FAM117B: variants seen among roughly 807,000 people sequenced by gnomAD.
FAM117B encodes the protein protein FAM117B.
A neutral mutation model predicts 52.8 loss-of-function variants in FAM117B; 22 were observed. The observed-to-expected ratio is 0.42, with a 90% CI of 0.30 to 0.59. FAM117B has a LOEUF of 0.59. Among genes scored for constraint, FAM117B ranks in the 20% least tolerant of loss-of-function variants. The probability of loss-of-function intolerance (pLI) is 0.22; values close to 1 mark genes in which losing one functional copy is unlikely to be tolerated. For synonymous variants in FAM117B, 309 were observed against 324.1 expected, an observed-to-expected ratio of 0.95 and a Z score of 0.50; for missense variants, 678 against 802.6, an observed-to-expected ratio of 0.84 and a Z score of 1.88.
intron 1 of FAM117B, among the ~76,000 whole-genome samples, chr2:202,685,960 G>A (rs1051897900): frequency 6.6e-6 from 1 of 152,104 alleles, no homozygotes; most frequent in Non-Finnish European, 1.5e-5. Flanking sequence ...AATGCTATTC[G>A]AAAGGCACCA....
At chr2:202,732,240 T>A (rs1156906575) in intron 4 of FAM117B, among the ~76,000 whole-genome samples, 5 of 152,102 alleles carry the variant, frequency 3.3e-5, no homozygotes, top group Non-Finnish European at 7.4e-5. Flanking sequence ...CTTTGGAGAA[T>A]AATGTGGCAG....
Position 202,724,985 on chromosome 2 carries a change from G to T in FAM117B, c.822G>T (p.Trp274Cys). Residue 274 changes from tryptophan to cysteine, a missense_variant, in exon 3 of 8, where the codon TGG (tryptophan) becomes TGT (cysteine). Physicochemically the swap from Trp to Cys is radical, Grantham distance 215 (BLOSUM62 -2). This residue lies in a region of FAM117B where 583 missense variants were observed against 644.8 expected (regional missense o/e 0.90). Coordinates refer to ENST00000392238, the MANE Select transcript of FAM117B (RefSeq NM_173511.4). Reference sequence around the variant, plus strand: ...GGTCTCACAAGCGCTCAGCATCTTGGGGCAGTACAGATCAACTTAAGGAGG... The same window carrying T: ...GGTCTCACAAGCGCTCAGCATCTTGTGGCAGTACAGATCAACTTAAGGAGG... ...KKGSHKRSAS[W>C]GSTDQLKEIA... The T allele has an allele frequency of 6.2e-7, 1 of 1,612,616 alleles. No individual in the cohort carries two copies. Among genetic ancestry groups the T allele is most frequent in the African/African-American group, 1.3e-5 (1 of 74,990 alleles).
intron 1 of FAM117B, among the ~76,000 whole-genome samples, chr2:202,691,696 T>TGTGTGTGTGC (rs1559103301): frequency 3.9e-5 from 5 of 129,434 alleles, no homozygotes; most frequent in Admixed American, 7.6e-5. Flanking sequence ...TGTGTGTGTG[T>TGTGTGTGTGC]GTGCGCGCGC....
At chr2:202,706,704 T>C (rs371115913) in intron 2 of FAM117B, among the ~76,000 whole-genome samples, 36 of 152,372 alleles carry the variant, frequency 2.4e-4, no homozygotes, top group African/African-American at 7.5e-4. Flanking sequence ...TTTAATGTTA[T>C]GAAAATGAAG....
At chr2:202,699,449 G>GA (rs59522030) in intron 2 of FAM117B, among the ~76,000 whole-genome samples, 121 of 100,042 alleles carry the variant, frequency 1.2e-3, no homozygotes, top group Middle Eastern at 6.8e-3. Context: ...AAAAAAAAAA[G>GA]AAAAAAAAAA....
intron 7 of FAM117B, among the ~76,000 whole-genome samples, chr2:202,763,804 A>G (rs1691935609): frequency 6.6e-6 from 1 of 152,066 alleles, no homozygotes; most frequent in Non-Finnish European, 1.5e-5. Context: ...AAATCTGCCC[A>G]CCTAATCATT....
intron 1 of FAM117B, among the ~76,000 whole-genome samples, chr2:202,676,290 G>A (rs549707652): frequency 6.6e-6 from 1 of 151,974 alleles, no homozygotes; most frequent in East Asian, 1.9e-4. Flanking sequence ...TTGTATCTCT[G>A]TGGTAGACCC....
At chr2:202,690,137 C>T (rs184253869) in intron 1 of FAM117B, among the ~76,000 whole-genome samples, 5 of 152,118 alleles carry the variant, frequency 3.3e-5, no homozygotes. Flanking sequence ...GGACCCAAGG[C>T]GTTGACTGAA....
intron 2 of FAM117B, among the ~76,000 whole-genome samples, chr2:202,711,189 G>A (rs1690951863): frequency 1.3e-5 from 2 of 152,088 alleles, no homozygotes; most frequent in Admixed American, 6.5e-5. Flanking sequence ...GTGTATGAGG[G>A]TTCCTTTTTC....
intron 1 of FAM117B, among the ~76,000 whole-genome samples, chr2:202,680,543 C>T (rs13430977): frequency 0.081 from 12,359 of 151,834 alleles, 1,670 homozygotes; most frequent in African/African-American, 0.28. Context: ...ACCAAGGCAC[C>T]ATAATCAGAT....
intron 1 of FAM117B, among the ~76,000 whole-genome samples, chr2:202,668,158 TTATA>T (rs1690234369): frequency 7.0e-6 from 1 of 142,520 alleles, no homozygotes; most frequent in African/African-American, 2.7e-5. Flanking sequence ...AAATATATAA[TTATA>T]TAATACATAC....
chr2:202,698,420 T>A (rs1205248174), intron 2 of FAM117B, among the ~76,000 whole-genome samples: 1 of 152,108 alleles, frequency 6.6e-6, no homozygotes, highest in Non-Finnish European at 1.5e-5. Flanking sequence ...TTTCTGAAAT[T>A]GACTTTTTTT....
At chr2:202,692,488 C>A (rs1034673359) in intron 1 of FAM117B, among the ~76,000 whole-genome samples, 1 of 152,042 alleles carries the variant, frequency 6.6e-6, no homozygotes, top group African/African-American at 2.4e-5. Context: ...AGAGAGCATG[C>A]AATTTTTCAC....
chr2:202,655,079 A>G (rs1373918108), intron 1 of FAM117B, among the ~76,000 whole-genome samples: 2 of 152,076 alleles, frequency 1.3e-5, no homozygotes, highest in African/African-American at 4.8e-5. Flanking sequence ...AGAAGGAAAA[A>G]TTATTTGGTT....
chr2:202,738,491 T>C (rs1028938650), intron 4 of FAM117B, among the ~76,000 whole-genome samples: 6 of 152,210 alleles, frequency 3.9e-5, no homozygotes, highest in Non-Finnish European at 8.8e-5. Flanking sequence ...TAAATAAATA[T>C]ATTTCTGAAT....
intron 1 of FAM117B, among the ~76,000 whole-genome samples, chr2:202,678,627 T>C (rs1027343043): frequency 6.6e-6 from 1 of 152,206 alleles, no homozygotes; most frequent in African/African-American, 2.4e-5. Context: ...TGGCGAGATC[T>C]TGGCTCACTG....
rs1691912403 is a variant in FAM117B, at chr2:202,762,671, A to G, written c.1452-2775A>G. On this transcript the variant is annotated intron_variant, in intron 7 of 7. Transcript: ENST00000392238. ...TAGTATTTGCAGCTTCTCCTAGCAT[A>G]TGTGTAGGTCACATATCCTGTGGTG... Among the ~76,000 whole-genome samples, 3 of 152,138 alleles carry G rather than the reference A, an allele frequency of 2.0e-5. No individual in the cohort carries two copies. The South Asian group carries it at 6.2e-4, about 32-fold the overall frequency.
At chr2:202,756,834 C>T (rs1405479633) in intron 5 of FAM117B, among the ~76,000 whole-genome samples, 1 of 152,112 alleles carries the variant, frequency 6.6e-6, no homozygotes, top group Non-Finnish European at 1.5e-5. Context: ...CATCAGTGTT[C>T]CTGGTTCACA....
intron 4 of FAM117B, among the ~76,000 whole-genome samples, chr2:202,741,616 A>G (rs1355155243): frequency 1.3e-5 from 2 of 150,930 alleles, no homozygotes; most frequent in Admixed American, 6.6e-5. Flanking sequence ...GGCTTACTGC[A>G]AGCTCCGCCT....
Sources: allele counts gnomAD v4.1 joint callset (sites outside exome capture counted in the v4.1 genomes callset), GRCh38; gene constraint gnomAD v4.1.1; regional missense constraint gnomAD v4.1.1; transcripts MANE v1.5; gene names NCBI Gene and HGNC (gene_info 2026-07-23, HGNC 2026-07-21).